SCEL: variants seen among roughly 807,000 people sequenced by gnomAD.
SCEL encodes sciellin.
In SCEL, 113 loss-of-function variants were observed where a neutral mutation model predicts 117.6. That is an observed-to-expected ratio of 0.96 (90% CI 0.83 to 1.12). SCEL has a LOEUF of 1.12. Among genes scored for constraint, SCEL ranks in the 50% most tolerant of loss-of-function variants. The pLI is 0.00. For missense variants in SCEL, 785 were observed against 810.8 expected, an observed-to-expected ratio of 0.97 and a Z score of 0.39; for synonymous variants, 270 against 256.2, an observed-to-expected ratio of 1.05 and a Z score of -0.51.
At chr13:77,624,769 G>A (rs2089639974) in intron 27 of SCEL, among the ~76,000 whole-genome samples, 1 of 152,182 alleles carries the variant, frequency 6.6e-6, no homozygotes, top group Admixed American at 6.5e-5. Context: ...ACATGGATAT[G>A]GTGGACACTA....
intron 8 of SCEL, 41 bp downstream of exon 8, chr13:77,569,492 A>G (rs769736687): frequency 2.8e-6 from 4 of 1,449,940 alleles, no homozygotes; most frequent in Non-Finnish European, 2.9e-6. Flanking sequence ...CTGATACACT[A>G]TGAAAGACTG....
In SCEL at chr13:77,607,959, C is replaced by T. The variant is rs552404636; in HGVS notation, c.1158-97C>T. The T allele has an allele frequency of 4.8e-5, 45 of 931,800 alleles. No homozygotes were observed. The African/African-American group carries it at 6.6e-4, about 14-fold the overall frequency. 57.7% of individuals were successfully genotyped at this position (931,800 alleles called of 1,614,324 possible). On this transcript the variant is annotated intron_variant, in intron 19 of 32. Coordinates refer to ENST00000349847, the MANE Select transcript of SCEL (RefSeq NM_144777.3). ...GGCATGATCTCAATGAGTGTTTACA[C>T]TGCTTCTGAGTTTTAATGAAATAGC...
chr13:77,607,846 C>G (rs757108960), intron 19 of SCEL, among the ~76,000 whole-genome samples: 28 of 152,208 alleles, frequency 1.8e-4, no homozygotes, highest in Non-Finnish European at 3.5e-4. Context: ...AATAATGTCT[C>G]CCTGAGTCTC....
intron 28 of SCEL, 137 bp from the exon 29 acceptor site, chr13:77,634,242 C>A: frequency 1.3e-6 from 1 of 769,756 alleles, no homozygotes; most frequent in Non-Finnish European, 2.1e-6. Context: ...TAATACCACT[C>A]TAACATTCAT....
chr13:77,644,892 T>G lies in SCEL; in HGVS notation c.*618T>G, dbSNP rs1309371748. 6.6e-6 allele frequency: 1 copy of G among 152,368 alleles called. No individual in the cohort carries two copies. Among genetic ancestry groups the G allele is most frequent in the Non-Finnish European group, 1.5e-5 (1 of 68,152 alleles). The allele number at this position is 152,368 out of a possible 1,614,324, so 9.4% of individuals were successfully genotyped here. On this transcript the variant is annotated 3_prime_UTR_variant, in exon 33 of 33. Coordinates refer to ENST00000349847, the MANE Select transcript of SCEL (RefSeq NM_144777.3). The stretch of plus-strand genomic sequence containing the variant: ...AAATTCTCTGATTCTAAAGCAGTTT[T>G]TAGAATCATTAGCTCTTTGGAAACA...
At chr13:77,617,689 G>T (rs4142585) in intron 25 of SCEL, 31 bp downstream of exon 25, 1,523,557 of 1,523,852 alleles carry the variant, frequency 1, 761,631 homozygotes, top group East Asian at 1. Context: ...TAATGTACTT[G>T]GGTCAGAAAG....
At chr13:77,612,015 A>C (rs1162692167) in intron 22 of SCEL, among the ~76,000 whole-genome samples, 2 of 152,208 alleles carry the variant, frequency 1.3e-5, no homozygotes, top group Non-Finnish European at 2.9e-5. Flanking sequence ...TTTGACCAAC[A>C]AAATGGCAAT....
chr13:77,614,525 A>G (rs187516838), intron 24 of SCEL, among the ~76,000 whole-genome samples: 2 of 152,266 alleles, frequency 1.3e-5, no homozygotes, highest in Admixed American at 1.3e-4. Flanking sequence ...CTATGGTTAA[A>G]TGAAGACAAT....
chr13:77,568,343 C>G lies in SCEL; in HGVS notation c.398+10C>G. The stretch of plus-strand genomic sequence containing the variant: ...TGGAAGTAACAAAGTTGTATGTATT[C>G]TTTCTAATTGTAGTATATTTCTTTT... On this transcript the variant is annotated intron_variant, in intron 7 of 32. Coordinates refer to ENST00000349847, the MANE Select transcript of SCEL (RefSeq NM_144777.3). 6.6e-7 allele frequency: 1 copy of G among 1,509,060 alleles called. No homozygotes were observed. Among genetic ancestry groups the G allele is most frequent in the Non-Finnish European group, 9.2e-7 (1 of 1,092,052 alleles). The allele number at this position is 1,509,060 out of a possible 1,614,324, so 93.5% of individuals were successfully genotyped here.
chr13:77,619,973 T>C (rs2089319634), intron 27 of SCEL, among the ~76,000 whole-genome samples: 1 of 152,202 alleles, frequency 6.6e-6, no homozygotes, highest in Admixed American at 6.5e-5. Context: ...AAGAGGCCAA[T>C]TTGGTAGAAA....
At chr13:77,620,022 T>C (rs778356827) in intron 27 of SCEL, among the ~76,000 whole-genome samples, 1 of 152,176 alleles carries the variant, frequency 6.6e-6, no homozygotes, top group Non-Finnish European at 1.5e-5. Context: ...GAAATATCCG[T>C]AGAAAGACGA....
intron 19 of SCEL, among the ~76,000 whole-genome samples, chr13:77,606,713 C>T (rs2088220569): frequency 6.6e-6 from 1 of 152,096 alleles, no homozygotes; most frequent in South Asian, 2.1e-4. Context: ...CATCTGGATA[C>T]AAATAAAAGA....
intron 28 of SCEL, among the ~76,000 whole-genome samples, chr13:77,632,269 G>T (rs74579476): frequency 1.7e-3 from 265 of 152,276 alleles, no homozygotes; most frequent in Non-Finnish European, 2.5e-3. Context: ...GGTGATTTTT[G>T]ATATTCTATT....
intron 10 of SCEL, among the ~76,000 whole-genome samples, chr13:77,590,945 G>A (rs1186110208): frequency 3.3e-5 from 5 of 151,974 alleles, no homozygotes; most frequent in African/African-American, 7.2e-5. Flanking sequence ...CAATGTAGTA[G>A]GTGTACTTGA....
intron 1 of SCEL, among the ~76,000 whole-genome samples, chr13:77,553,409 G>A (rs1490595052): frequency 6.6e-6 from 1 of 151,918 alleles, no homozygotes; most frequent in African/African-American, 2.4e-5. Context: ...AATCAGCTGA[G>A]AACTCTCCAG....
At chr13:77,603,024 G>T in intron 17 of SCEL, 52 bp from the exon 18 acceptor site, 4 of 1,000,832 alleles carry the variant, frequency 4.0e-6, no homozygotes, top group Non-Finnish European at 5.9e-6. Context: ...AGATGTATGT[G>T]TCTAATATTA....
At chr13:77,611,535 C>A (rs2088640792) in intron 22 of SCEL, among the ~76,000 whole-genome samples, 1 of 152,226 alleles carries the variant, frequency 6.6e-6, no homozygotes, top group Non-Finnish European at 1.5e-5. Context: ...CCTTTTCCCT[C>A]TCCCGAGATG....
At chr13:77,583,817 A>G (rs1252499244) in intron 9 of SCEL, among the ~76,000 whole-genome samples, 1 of 152,212 alleles carries the variant, frequency 6.6e-6, no homozygotes, top group African/African-American at 2.4e-5. Context: ...ACTCAAACAG[A>G]AGTCACAGAG....
chr13:77,635,146 C>A (rs1205282880), intron 29 of SCEL, among the ~76,000 whole-genome samples: 1 of 152,086 alleles, frequency 6.6e-6, no homozygotes, highest in East Asian at 1.9e-4. Context: ...TGATGGGGAT[C>A]CAGGAAATTC....
Sources: allele counts gnomAD v4.1 joint callset (sites outside exome capture counted in the v4.1 genomes callset), GRCh38; gene constraint gnomAD v4.1.1; transcripts MANE v1.5; gene names NCBI Gene and HGNC (gene_info 2026-07-23, HGNC 2026-07-21).